Variants in GSE1 observed in about 807,000 individuals in gnomAD.
GSE1 encodes Gse1 coiled-coil protein.
GSE1 carries 32 observed loss-of-function variants against 112.6 expected under a neutral mutation model. The observed-to-expected ratio is 0.28, with a 90% CI of 0.21 to 0.38. The LOEUF (loss-of-function observed/expected upper bound fraction) is 0.38. GSE1 is among the 10% of genes least tolerant of loss of function. The pLI, the probability that GSE1 is intolerant of heterozygous loss-of-function variation, is 1.00. For synonymous variants in GSE1, 1,115 were observed against 735.6 expected, an observed-to-expected ratio of 1.52 and a Z score of -8.35; for missense variants, 2,348 against 1,699.2, an observed-to-expected ratio of 1.38 and a Z score of -6.71.
intron 2 of GSE1, among the ~76,000 whole-genome samples, chr16:85,478,895 CTTTCTTTCTTTCTT>C (rs2050563757): frequency 3.9e-5 from 3 of 76,338 alleles, no homozygotes; most frequent in Admixed American, 1.6e-4. Context: ...TTCTTTCTTT[CTTTCTTTCTTTCTT>C]TCTTTCTTTC....
At chr16:85,671,155 G>C (rs2053296912) in intron 15 of GSE1, 57 bp downstream of exon 15, 1 of 989,708 alleles carries the variant, frequency 1.0e-6, no homozygotes, top group African/African-American at 1.6e-5. Context: ...TTTGGGTTCA[G>C]AAACACCCAT....
At chr16:85,628,394 G>A (rs1004003822) in intron 1 of GSE1, among the ~76,000 whole-genome samples, 1 of 152,242 alleles carries the variant, frequency 6.6e-6, no homozygotes, top group Non-Finnish European at 1.5e-5. Context: ...GCTGGAGGGG[G>A]CCCATGGGGC....
At chr16:85,650,031 C>T (rs1206526154) in intron 3 of GSE1, among the ~76,000 whole-genome samples, 1 of 152,202 alleles carries the variant, frequency 6.6e-6, no homozygotes, top group African/African-American at 2.4e-5. Context: ...CACGCCTTCC[C>T]TGGCTGAGGG....
chr16:85,365,348 C>T (rs764128664), intron 2 of GSE1, among the ~76,000 whole-genome samples: 21 of 152,236 alleles, frequency 1.4e-4, no homozygotes, highest in Admixed American at 1.0e-3. Context: ...GCACTTCAGA[C>T]GCACCACTCC....
Position 85,419,297 on chromosome 16 carries a change from A to G in GSE1, c.2464+61654A>G, listed in dbSNP as rs1163494745. 6.6e-6 allele frequency among the ~76,000 whole-genome samples: 1 copy of G among 152,200 alleles called. No individual in the cohort carries two copies. The highest frequency in any genetic ancestry group is 2.4e-5 in the African/African-American group (1 of 41,444). On this transcript the variant is annotated intron_variant, in intron 2 of 2. Transcript: ENST00000637419. The surrounding 1 kb of genome is among the most constrained non-coding windows in gnomAD (Gnocchi z 6.5). ...GAGGCCACCTCAGGAGGCAACATTT[A>G]GAGTCGGGGTCAGGGTTTGAGAATA...
chr16:85,408,821 G>T (rs201330151), intron 2 of GSE1, among the ~76,000 whole-genome samples: 1 of 51,178 alleles, frequency 2.0e-5, no homozygotes, highest in Admixed American at 1.6e-4. Flanking sequence ...AGGGCCCCCC[G>T]GATAATCCTC....
chr16:85,262,049 AAGG>A (rs1327535116), intron 1 of GSE1, among the ~76,000 whole-genome samples: 91 of 152,252 alleles, frequency 6.0e-4, no homozygotes, highest in African/African-American at 2.2e-3. Context: ...ACAGGTTGCA[AAGG>A]ACAGAGCCTG....
chr16:85,572,177 C>T (rs569648939), intron 1 of GSE1, among the ~76,000 whole-genome samples: 7 of 149,064 alleles, frequency 4.7e-5, no homozygotes, highest in African/African-American at 1.7e-4. Flanking sequence ...ATACTACACA[C>T]ACACCACATA....
At chr16:85,279,262 C>T (rs1323003760) in intron 1 of GSE1, among the ~76,000 whole-genome samples, 2 of 152,216 alleles carry the variant, frequency 1.3e-5, no homozygotes, top group Non-Finnish European at 2.9e-5. Flanking sequence ...GGGTTCTATT[C>T]TCAGTCCTGA....
intron 1 of GSE1, among the ~76,000 whole-genome samples, chr16:85,591,393 G>A (rs1376635742): frequency 6.6e-6 from 1 of 152,258 alleles, no homozygotes; most frequent in African/African-American, 2.4e-5. Context: ...TGGTTAGTTT[G>A]GGCCAAGAGA....
intron 1 of GSE1, among the ~76,000 whole-genome samples, chr16:85,326,858 G>A (rs2046237712): frequency 6.6e-6 from 1 of 152,232 alleles, no homozygotes; most frequent in Non-Finnish European, 1.5e-5. Flanking sequence ...CCCAGTCCCT[G>A]CCTGGAAACA....
rs35813254 is a variant in GSE1, at chr16:85,419,605, C to CAA, written c.2464+61973_2464+61974dup. ...TGGGCAATAGAGCAAGGCTGTGTCT[C>CAA]AAAAAAAAAAAACAAAAAACAAAAA... is the stretch of plus-strand genomic sequence containing the variant. On this transcript the variant is annotated intron_variant, in intron 2 of 2. Transcript: ENST00000637419. The surrounding 1 kb of genome is among the most constrained non-coding windows in gnomAD (Gnocchi z 6.5). 6.9e-6 allele frequency among the ~76,000 whole-genome samples: 1 copy of CAA among 145,522 alleles called. No homozygotes were observed. The highest frequency in any genetic ancestry group is 6.8e-5 in the Admixed American group (1 of 14,792).
intron 2 of GSE1, among the ~76,000 whole-genome samples, chr16:85,514,679 C>A (rs963538117): frequency 2.0e-5 from 3 of 152,194 alleles, no homozygotes; most frequent in Non-Finnish European, 4.4e-5. Context: ...TGCCAGAAAC[C>A]TCTCATTCCA....
rs1329726713 is a variant in GSE1 at position 85,184,900 on chromosome 16, C to A, written c.2283+13093C>A. 2.0e-5 allele frequency among the ~76,000 whole-genome samples: 3 copies of A among 152,188 alleles called. No individual in the cohort carries two copies. The East Asian group carries it at 5.8e-4, about 29-fold the overall frequency. On this transcript the variant is annotated intron_variant, in intron 1 of 2. Transcript: ENST00000637419. ...GCTCTTGAAGAGGATATGGAAACAG[C>A]AGTATTTGGTTCTCTACATATTAAT...
intron 2 of GSE1, among the ~76,000 whole-genome samples, chr16:85,420,486 G>A (rs993884338): frequency 3.8e-4 from 58 of 152,052 alleles, no homozygotes; most frequent in African/African-American, 1.1e-3. Context: ...GGAAGTCCCC[G>A]CTGCGGAGGA....
At chr16:85,622,600 G>C (rs2048811213) in intron 1 of GSE1, among the ~76,000 whole-genome samples, 1 of 152,206 alleles carries the variant, frequency 6.6e-6, no homozygotes, top group Non-Finnish European at 1.5e-5. Flanking sequence ...TTCCTGGGGA[G>C]AGGGTCTGGT....
chr16:85,620,367 G>A (rs554276207), intron 1 of GSE1, among the ~76,000 whole-genome samples: 3 of 152,368 alleles, frequency 2.0e-5, no homozygotes, highest in Non-Finnish European at 4.4e-5. Flanking sequence ...TGAATTCCCA[G>A]TGTACATTTA....
Position 85,460,974 on chromosome 16 carries a change from T to C in GSE1, c.2464+103331T>C, listed in dbSNP as rs532160993. 5.9e-5 allele frequency among the ~76,000 whole-genome samples: 9 copies of C among 152,216 alleles called. No individual in the cohort carries two copies. The South Asian group carries it at 1.7e-3, about 28-fold the overall frequency. On this transcript the variant is annotated intron_variant, in intron 2 of 2. Coordinates refer to the GSE1 transcript ENST00000637419. ...GATTTCAGCTCAACACAGGAAGCAATTGTAACAGTCACAGGCTGACGGCAG... is the reference window on the plus strand; with the variant it reads ...GATTTCAGCTCAACACAGGAAGCAACTGTAACAGTCACAGGCTGACGGCAG...
At chr16:85,227,809 T>C (rs1395315718) in intron 1 of GSE1, among the ~76,000 whole-genome samples, 1 of 152,198 alleles carries the variant, frequency 6.6e-6, no homozygotes, top group Non-Finnish European at 1.5e-5. Context: ...ATTCATTCAT[T>C]CCCTCACTGT....
Sources: allele counts gnomAD v4.1 joint callset (sites outside exome capture counted in the v4.1 genomes callset), GRCh38; gene constraint gnomAD v4.1.1; non-coding constraint Gnocchi (gnomAD v3.1); transcripts MANE v1.5; gene names NCBI Gene and HGNC (gene_info 2026-07-23, HGNC 2026-07-21).